SCART1: variants seen among roughly 807,000 people sequenced by gnomAD.
SCART1 encodes scavenger receptor cysteine-rich domain-containing protein SCART1.
Under a neutral mutation model 36.2 loss-of-function variants are expected in SCART1, and 62 were observed. The observed-to-expected ratio is 1.71, with a 90% CI of 1.40 to 2.12. The LOEUF (loss-of-function observed/expected upper bound fraction) is 2.12, where lower values mean the gene tolerates loss of function less well. Ranked by LOEUF, SCART1 falls within the 30% of genes most tolerant of loss-of-function variation. The pLI is 0.00. For synonymous variants in SCART1, 487 were observed against 238.7 expected (o/e 2.04, Z -9.59); for missense variants, 1,041 against 540.5 (o/e 1.93, Z -9.18).
In SCART1 at chr10:133,463,189, A is replaced by G. The variant is rs74162023; in HGVS notation, c.1970-1417A>G. Among the ~76,000 whole-genome samples, 1,305 of 152,214 alleles carry G rather than the reference A, an allele frequency of 8.6e-3. 18 individuals carry two copies. The highest frequency in any genetic ancestry group is 0.028 in the African/African-American group (1,165 of 41,508). ...GCACTGATCCCTCAGGACCAAAGCT[A>G]TCTCTGAACATGGGGCTGAGGTACA... On this transcript the variant is annotated intron_variant, in intron 6 of 11. Coordinates refer to ENST00000640237, the Ensembl canonical transcript of SCART1.
chr10:133,466,508 C>A (rs1487927286), intron 10 of SCART1, 127 bp downstream of exon 10: 7 of 586,946 alleles, frequency 1.2e-5, no homozygotes, highest in Non-Finnish European at 2.1e-5. Flanking sequence ...TGCAGACCTA[C>A]CCCCAAAGTC....
chr10:133,462,977 T>C (rs917908509), intron 6 of SCART1, among the ~76,000 whole-genome samples: 1 of 152,190 alleles, frequency 6.6e-6, no homozygotes, highest in African/African-American at 2.4e-5. Context: ...CTTATTTTAA[T>C]TAGATATGAT....
In SCART1 at chr10:133,467,196, A is replaced by C; in HGVS notation, c.2807-2A>C. ...TGTGTGACCATGCTCACCTTGCCTC[A>C]GGTCTGGGAAGATCCGAGGTATCTC... On this transcript the variant is annotated splice_acceptor_variant, in intron 10 of 11. Coordinates refer to ENST00000640237, the Ensembl canonical transcript of SCART1. LOFTEE classifies it high-confidence loss of function. 1.4e-6 allele frequency: 1 copy of C among 692,982 alleles called. No homozygotes were observed. Among genetic ancestry groups the C allele is most frequent in the Non-Finnish European group, 2.6e-6 (1 of 379,582 alleles). The allele number at this position is 692,982 out of a possible 1,614,324, so 42.9% of individuals were successfully genotyped here.
At chr10:133,459,588 T>G (rs1456054661) in exon 6 of SCART1, 6 of 674,704 alleles carry the variant, frequency 8.9e-6, no homozygotes, top group Non-Finnish European at 8.1e-6. Context: ...GGACGATGCC[T>G]GGGACCTGCG....
At chr10:133,459,934 G>C in exon 6 of SCART1, 1 of 542,966 alleles carries the variant, frequency 1.8e-6, no homozygotes. Context: ...GGCGCGTGGG[G>C]CACCGTGTGT....
exon 6 of SCART1, chr10:133,459,795 G>A: frequency 1.5e-6 from 1 of 656,074 alleles, no homozygotes; most frequent in Non-Finnish European, 2.8e-6. Flanking sequence ...CGCCGGCGTG[G>A]TGTGCTCCGG....
At chr10:133,468,986 A>C (rs1159742100) in exon 12 of SCART1, 1 of 152,058 alleles carries the variant, frequency 6.6e-6, no homozygotes, top group African/African-American at 2.4e-5. Flanking sequence ...GCTAATTTAC[A>C]CTCCCACCAA....
At chr10:133,464,033 C>T (rs1255436896) in intron 6 of SCART1, among the ~76,000 whole-genome samples, 2 of 152,126 alleles carry the variant, frequency 1.3e-5, no homozygotes, top group African/African-American at 4.8e-5. Flanking sequence ...AGGAGATCAA[C>T]ATTTTTAAGC....
In SCART1 at chr10:133,457,165, C is replaced by T. The variant is rs569277415; in HGVS notation, c.386-114C>T. On this transcript the variant is annotated intron_variant, in intron 2 of 11. Coordinates refer to ENST00000640237, the Ensembl canonical transcript of SCART1. ...CTGTGTGACTGCCCGGTCACCTGCC[C>T]CTGAAGCTGGCCCTGGCTCAGCCCA... The T allele has an allele frequency of 4.6e-6, 3 of 648,354 alleles. No individual in the cohort carries two copies. The Admixed American group carries it at 8.1e-5, about 17-fold the overall frequency. 40.2% of individuals were successfully genotyped at this position (648,354 alleles called of 1,614,324 possible).
intron 1 of SCART1, among the ~76,000 whole-genome samples, chr10:133,455,643 G>A (rs775082678): frequency 3.2e-4 from 49 of 152,022 alleles, no homozygotes; most frequent in Non-Finnish European, 5.6e-4. Flanking sequence ...CCTCCGTGGC[G>A]GGTGGGAGAG....
chr10:133,465,278 G>A, exon 9 of SCART1: 1 of 687,968 alleles, frequency 1.5e-6, no homozygotes, highest in Non-Finnish European at 2.7e-6. Flanking sequence ...GTGCGCGGGG[G>A]CGAGGACCGC....
rs1850580158 is a variant in SCART1, at chr10:133,454,103, GGCATC to G, written c.67+40_67+44del. 2.1e-5 allele frequency: 15 copies of G among 702,524 alleles called. No individual in the cohort carries two copies. The East Asian group carries it at 4.0e-4, about 19-fold the overall frequency. The allele number at this position is 702,524 out of a possible 1,614,324, so 43.5% of individuals were successfully genotyped here. On this transcript the variant is annotated intron_variant, in intron 1 of 11. Coordinates refer to ENST00000640237, the Ensembl canonical transcript of SCART1. ...TCCTTCATCCATGGAACTTTCTGGAGGCATCAGCTCTGTTGATGCCCAGGCCCCGG... is the reference window on the plus strand; with the variant it reads ...TCCTTCATCCATGGAACTTTCTGGAGAGCTCTGTTGATGCCCAGGCCCCGG...
intron 6 of SCART1, 105 bp downstream of exon 6, chr10:133,460,275 C>T: frequency 2.5e-6 from 1 of 400,116 alleles, no homozygotes; most frequent in Admixed American, 4.4e-5. Flanking sequence ...GTTCTCTTCC[C>T]TGAATGCAGA....
At chr10:133,461,230 G>A (rs543885020) in intron 6 of SCART1, among the ~76,000 whole-genome samples, 8 of 151,890 alleles carry the variant, frequency 5.3e-5, no homozygotes, top group East Asian at 1.9e-4. Flanking sequence ...CCTGACCTGC[G>A]GCCTCCTGAG....
At chr10:133,467,888 C>T (rs1014885369) in exon 12 of SCART1, 24 of 699,470 alleles carry the variant, frequency 3.4e-5, no homozygotes, top group African/African-American at 1.6e-4. Flanking sequence ...ACAGTCTATA[C>T]GTGCGGAGGG....
intron 1 of SCART1, among the ~76,000 whole-genome samples, chr10:133,454,950 A>G (rs1850590081): frequency 6.6e-6 from 1 of 152,196 alleles, no homozygotes; most frequent in South Asian, 2.1e-4. Flanking sequence ...ACAACAAGAA[A>G]TAGCTTTAGA....
rs1022001422 is a variant in SCART1 at position 133,459,543 on chromosome 10, G to T, written c.1342G>T (p.Glu448Ter). The change falls in exon 6 of 12, where the codon GAG becomes TAG. Residue 448 changes from glutamate to a stop codon, truncating the protein, a stop_gained. Coordinates refer to ENST00000640237, the Ensembl canonical transcript of SCART1. LOFTEE classifies it high-confidence loss of function. ...ACAGAGCCGCTGTGACGGCCGCGTGGAGGTCTCCCTGGATGGCGTGTGGGG... is the reference window on the plus strand; with the variant it reads ...ACAGAGCCGCTGTGACGGCCGCGTGTAGGTCTCCCTGGATGGCGTGTGGGG... 6 of 682,892 alleles carry T rather than the reference G, an allele frequency of 8.8e-6. No homozygotes were observed. The highest frequency in any genetic ancestry group is 1.6e-5 in the Non-Finnish European group (6 of 375,502). 42.3% of individuals were successfully genotyped at this position (682,892 alleles called of 1,614,324 possible). A position where few individuals can be genotyped will look rare whatever the true frequency, so the allele number is the denominator to read the frequency against.
At chr10:133,458,582 C>T (rs778116631) in exon 4 of SCART1, 6 of 687,496 alleles carry the variant, frequency 8.7e-6, no homozygotes, top group East Asian at 2.7e-5. Flanking sequence ...GGCAACGAGT[C>T]GCTGCTGTTC....
intron 5 of SCART1, 21 bp downstream of exon 5, chr10:133,459,347 G>A (rs1184762790): frequency 3.2e-6 from 2 of 621,388 alleles, no homozygotes; most frequent in South Asian, 3.7e-5. Flanking sequence ...CCAGGACGGT[G>A]GACCAGGAGG....
Sources: gnomAD v4.1 joint callset for allele counts (sites outside exome capture counted in the v4.1 genomes callset) on GRCh38, gnomAD v4.1.1 for gene constraint, MANE v1.5 for transcripts, NCBI Gene and HGNC (gene_info 2026-07-23, HGNC 2026-07-21) for gene names.